The following IMMP2L variants were observed in gnomAD, a reference collection of about 807,000 sequenced individuals.
IMMP2L encodes inner mitochondrial membrane peptidase subunit 2, also known as mitochondrial inner membrane protease subunit 2.
A neutral mutation model predicts 19.3 loss-of-function variants in IMMP2L; 18 were observed. That is an observed-to-expected ratio of 0.93 (90% CI 0.64 to 1.38). The LOEUF (loss-of-function observed/expected upper bound fraction) is 1.38, where lower values mean the gene tolerates loss of function less well. Among genes scored for constraint, IMMP2L ranks in the 40% most tolerant of loss-of-function variants. IMMP2L has a pLI of 0.00. For missense variants in IMMP2L, 233 were observed against 218.2 expected (o/e 1.07, Z -0.43); for synonymous variants, 76 against 73.0 (o/e 1.04, Z -0.21).
chr7:111,036,108 T>TA (rs1791321726), intron 3 of IMMP2L, among the ~76,000 whole-genome samples: 1 of 152,168 alleles, frequency 6.6e-6, no homozygotes, highest in Admixed American at 6.6e-5. Flanking sequence ...GCTACCAAAC[T>TA]ACATCAATAA....
At chr7:110,832,282 C>CA (rs35194210) in intron 5 of IMMP2L, among the ~76,000 whole-genome samples, 64,427 of 151,818 alleles carry the variant, frequency 0.42, 15,238 homozygotes, top group East Asian at 0.72. Context: ...AAAAAACAAA[C>CA]AAAAAAACCC....
At chr7:111,481,624 A>C (rs1395171919) in intron 3 of IMMP2L, among the ~76,000 whole-genome samples, 1 of 151,230 alleles carries the variant, frequency 6.6e-6, no homozygotes, top group Non-Finnish European at 1.5e-5. Flanking sequence ...TCCATAGATT[A>C]TGTGTCTTTT....
chr7:110,879,448 A>C (rs1809419324), intron 5 of IMMP2L, among the ~76,000 whole-genome samples: 1 of 152,130 alleles, frequency 6.6e-6, no homozygotes, highest in South Asian at 2.1e-4. Context: ...GCATAATGTA[A>C]TGAACATCTG....
chr7:111,263,551 C>T (rs896447071), intron 3 of IMMP2L, among the ~76,000 whole-genome samples: 1 of 151,948 alleles, frequency 6.6e-6, no homozygotes, highest in Non-Finnish European at 1.5e-5. Flanking sequence ...GAGAAGGGGA[C>T]CATTGGATAT....
At position 110,722,198 on chromosome 7, in the gene IMMP2L, A is replaced by C. The variant is rs116012542; in HGVS notation, c.409-58477T>G. Among the ~76,000 whole-genome samples the C allele has an allele frequency of 5.3e-3, 804 of 152,244 alleles. 10 individuals carry two copies. Among genetic ancestry groups the C allele is most frequent in the African/African-American group, 0.018 (767 of 41,562 alleles). On this transcript the variant is annotated intron_variant, in intron 5 of 5. Coordinates refer to ENST00000405709, the MANE Select transcript of IMMP2L (RefSeq NM_032549.4). ...AATAGGGTGGGGATGGAGCGATGAA[A>C]AACCTGAAGGGTGTTGAGTAATGGG... is the stretch of plus-strand genomic sequence containing the variant.
At chr7:111,501,515 T>C (rs1221862842) in intron 2 of IMMP2L, among the ~76,000 whole-genome samples, 2 of 151,980 alleles carry the variant, frequency 1.3e-5, no homozygotes, top group African/African-American at 4.8e-5. Context: ...CCAAGACACA[T>C]AACTGTCACA....
chr7:111,530,388 A>G (rs117340084), intron 1 of IMMP2L, among the ~76,000 whole-genome samples: 1 of 152,308 alleles, frequency 6.6e-6, no homozygotes, highest in East Asian at 1.9e-4. Flanking sequence ...CAATAAACCA[A>G]TAAAGCCCAT....
chr7:111,470,111 G>A lies in IMMP2L; in HGVS notation c.239+17127C>T, dbSNP rs1384375479. Among the ~76,000 whole-genome samples, 3 of 152,236 alleles carry A rather than the reference G, an allele frequency of 2.0e-5. No homozygotes were observed. The East Asian group carries it at 5.8e-4, about 29-fold the overall frequency. On this transcript the variant is annotated intron_variant, in intron 3 of 5. Transcript: ENST00000405709. ...AAAGAAGACATTAATGCAGTCAAAA[G>A]ACACATGAAAAAATGCTCATCATCA...
At chr7:111,459,172 T>A (rs1839929733) in intron 3 of IMMP2L, among the ~76,000 whole-genome samples, 2 of 152,146 alleles carry the variant, frequency 1.3e-5, no homozygotes, top group Non-Finnish European at 2.9e-5. Flanking sequence ...AGACATCTGT[T>A]TCTGATTTTT....
chr7:110,733,631 T>C (rs1796423451), intron 5 of IMMP2L, among the ~76,000 whole-genome samples: 1 of 152,222 alleles, frequency 6.6e-6, no homozygotes, highest in Non-Finnish European at 1.5e-5. Flanking sequence ...GTGGTTTGTA[T>C]GTTTGTGTAC....
At chr7:111,335,372 A>G (rs989790691) in intron 3 of IMMP2L, among the ~76,000 whole-genome samples, 14 of 152,130 alleles carry the variant, frequency 9.2e-5, no homozygotes, top group African/African-American at 2.9e-4. Context: ...TAAAATGTCT[A>G]AAGAGTGGAA....
intron 3 of IMMP2L, among the ~76,000 whole-genome samples, chr7:111,416,692 C>T (rs1834985466): frequency 1.3e-5 from 2 of 151,612 alleles, no homozygotes; most frequent in Admixed American, 6.6e-5. Context: ...AGAAGAAGCA[C>T]TTTAAAAGTA....
intron 5 of IMMP2L, among the ~76,000 whole-genome samples, chr7:110,741,568 C>G (rs1176344330): frequency 6.6e-6 from 1 of 152,188 alleles, no homozygotes; most frequent in Non-Finnish European, 1.5e-5. Context: ...TCATCAGACA[C>G]TGAATCTGTT....
chr7:111,317,190 G>T (rs1207197668), intron 3 of IMMP2L, among the ~76,000 whole-genome samples: 1 of 152,054 alleles, frequency 6.6e-6, no homozygotes, highest in East Asian at 1.9e-4. Flanking sequence ...GAGTTTGGAA[G>T]AGCCAGATTA....
At chr7:111,526,808 C>T (rs1299790898) in intron 1 of IMMP2L, among the ~76,000 whole-genome samples, 2 of 152,150 alleles carry the variant, frequency 1.3e-5, no homozygotes, top group Non-Finnish European at 2.9e-5. Flanking sequence ...TCATCATGCC[C>T]TGCATGCATG....
chr7:110,673,026 C>T (rs1330875257), intron 5 of IMMP2L, among the ~76,000 whole-genome samples: 2 of 152,254 alleles, frequency 1.3e-5, no homozygotes, highest in Non-Finnish European at 2.9e-5. Flanking sequence ...TCCAACCCCA[C>T]ATTTCCCTTC....
At chr7:111,332,598 C>T (rs1443569576) in intron 3 of IMMP2L, among the ~76,000 whole-genome samples, 1 of 151,856 alleles carries the variant, frequency 6.6e-6, no homozygotes, top group Non-Finnish European at 1.5e-5. Context: ...TAACATACTA[C>T]TTAGAACAAG....
chr7:110,940,278 C>A (rs961287898), intron 4 of IMMP2L, among the ~76,000 whole-genome samples: 1 of 149,604 alleles, frequency 6.7e-6, no homozygotes, highest in East Asian at 2.0e-4. Flanking sequence ...AAGATTGCAC[C>A]ACTGCACTCC....
intron 3 of IMMP2L, among the ~76,000 whole-genome samples, chr7:111,328,065 G>A (rs1825504199): frequency 6.6e-6 from 1 of 151,508 alleles, no homozygotes; most frequent in Admixed American, 6.6e-5. Context: ...AAAACCACAT[G>A]ACCTCTCAGT....
Sources: allele counts gnomAD v4.1 joint callset (sites outside exome capture counted in the v4.1 genomes callset), GRCh38; gene constraint gnomAD v4.1.1; transcripts MANE v1.5; gene names NCBI Gene and HGNC (gene_info 2026-07-23, HGNC 2026-07-21).